ST13: variants seen among roughly 807,000 people sequenced by gnomAD.
ST13 encodes hsc70-interacting protein.
In ST13, 23 loss-of-function variants were observed where a neutral mutation model predicts 56.7. That is an observed-to-expected ratio of 0.41 (90% CI 0.29 to 0.57). The LOEUF (loss-of-function observed/expected upper bound fraction) is 0.57. ST13 is among the 20% of genes least tolerant of loss of function. The pLI, the probability that ST13 is intolerant of heterozygous loss-of-function variation, is 0.36. For synonymous variants in ST13, 132 were observed against 142.4 expected (o/e 0.93, Z 0.52); for missense variants, 369 against 459.9 (o/e 0.80, Z 1.81).
At chr22:40,855,500 T>C (rs189265593) in intron 1 of ST13, among the ~76,000 whole-genome samples, 30 of 152,338 alleles carry the variant, frequency 2.0e-4, no homozygotes, top group Non-Finnish European at 3.7e-4. Context: ...GGAGTCGCAA[T>C]GGTCTGCATA....
intron 9 of ST13, 39 bp from the exon 10 acceptor site, chr22:40,829,713 G>GTTTA: frequency 1.6e-6 from 2 of 1,228,446 alleles, no homozygotes; most frequent in Non-Finnish European, 2.2e-6. Context: ...AATAGAAGAA[G>GTTTA]AAATAAGTGC....
intron 1 of ST13, among the ~76,000 whole-genome samples, chr22:40,854,895 G>T (rs1373596012): frequency 6.6e-6 from 1 of 152,116 alleles, no homozygotes; most frequent in East Asian, 1.9e-4. Flanking sequence ...ACATTTCCCG[G>T]TTGAGGAGTT....
chr22:40,850,769 TAAG>T, intron 2 of ST13, 51 bp downstream of exon 2: 1 of 1,393,514 alleles, frequency 7.2e-7, no homozygotes, highest in Non-Finnish European at 1.0e-6. Context: ...AAACAACCCC[TAAG>T]AAATCTTATA....
intron 1 of ST13, among the ~76,000 whole-genome samples, chr22:40,855,551 T>C (rs1009272245): frequency 1.3e-5 from 2 of 152,228 alleles, no homozygotes; most frequent in Non-Finnish European, 2.9e-5. Flanking sequence ...GTATGTCATC[T>C]TTTCAGTTCC....
rs745996057 is a variant in ST13 at position 40,830,934 on chromosome 22, C to T, written c.704G>A (p.Arg235Gln). ...QPRAQKIAEHRRKYERKREER... is the reference protein window; with the variant it reads ...QPRAQKIAEHQRKYERKREER... Reference sequence around the variant, plus strand: ...TTCACGTTTTCGCTCATACTTTCTCCGATGTTCTGCAATTTTCTGTGCCTA... The same window carrying T: ...TTCACGTTTTCGCTCATACTTTCTCTGATGTTCTGCAATTTTCTGTGCCTA... The change falls in exon 9 of 12, where the codon CGG (arginine) becomes CAG (glutamine). Residue 235 changes from arginine to glutamine, a missense_variant. Physicochemically the swap from Arg to Gln is conservative, Grantham distance 43. Transcript: ENST00000216218. The T allele has an allele frequency of 1.0e-5, 16 of 1,600,556 alleles. No individual in the cohort carries two copies. Among genetic ancestry groups the T allele is most frequent in the Non-Finnish European group, 1.2e-5 (14 of 1,179,076 alleles).
intron 9 of ST13, among the ~76,000 whole-genome samples, chr22:40,830,358 C>T (rs1166991037): frequency 6.6e-6 from 1 of 152,090 alleles, no homozygotes; most frequent in Non-Finnish European, 1.5e-5. Flanking sequence ...TAGCATCACA[C>T]TATGTTGCCC....
chr22:40,844,064 G>C (rs1325251425), intron 4 of ST13, among the ~76,000 whole-genome samples: 1 of 151,810 alleles, frequency 6.6e-6, no homozygotes, highest in African/African-American at 2.4e-5. Context: ...TGTATTATTA[G>C]TAGAGACGGG....
chr22:40,849,722 T>A lies in ST13; in HGVS notation c.168+1101A>T, dbSNP rs900631500. Among the ~76,000 whole-genome samples, 9 of 152,128 alleles carry A rather than the reference T, an allele frequency of 5.9e-5. No individual in the cohort carries two copies. In the South Asian group the frequency reaches 8.3e-4, roughly 14 times the overall value. ...AGCAAAATATCTAGGGCTCAGAAAA[T>A]ACCACTCTGATAAATGGTCCTTTTA... On this transcript the variant is annotated intron_variant, in intron 2 of 11. Coordinates refer to ENST00000216218, the MANE Select transcript of ST13 (RefSeq NM_003932.5).
chr22:40,832,303 C>G, intron 8 of ST13: 1 of 498,054 alleles, frequency 2.0e-6, no homozygotes. Context: ...AAACCTGATA[C>G]CCCCTTTTCT....
intron 2 of ST13, among the ~76,000 whole-genome samples, chr22:40,850,569 A>G (rs151269648): frequency 5.3e-4 from 80 of 152,364 alleles, no homozygotes; most frequent in African/African-American, 1.9e-3. Flanking sequence ...TACCACTTAC[A>G]GGCCATACAT....
intron 7 of ST13, 121 bp downstream of exon 7, chr22:40,835,439 G>C: frequency 1.3e-6 from 1 of 790,004 alleles, no homozygotes; most frequent in East Asian, 2.5e-5. Flanking sequence ...TTGATACTAA[G>C]TACACACTAA....
At chr22:40,856,226 A>C (rs1356151017) in intron 1 of ST13, among the ~76,000 whole-genome samples, 1 of 152,114 alleles carries the variant, frequency 6.6e-6, no homozygotes, top group African/African-American at 2.4e-5. Flanking sequence ...GGGTGCGAGG[A>C]ACCCAGCTCT....
intron 1 of ST13, 42 bp from the exon 2 acceptor site, chr22:40,850,922 A>T: frequency 6.8e-7 from 1 of 1,467,308 alleles, no homozygotes; most frequent in Non-Finnish European, 9.4e-7. Flanking sequence ...TAGAAAATTA[A>T]AATTCACTGT....
At chr22:40,854,171 T>C (rs899416756) in intron 1 of ST13, among the ~76,000 whole-genome samples, 5 of 152,190 alleles carry the variant, frequency 3.3e-5, no homozygotes, top group African/African-American at 9.7e-5. Context: ...GCATCAGGCC[T>C]AGGAAGACGT....
At chr22:40,838,857 T>C (rs2057789314) in intron 5 of ST13, among the ~76,000 whole-genome samples, 1 of 150,454 alleles carries the variant, frequency 6.6e-6, no homozygotes, top group Non-Finnish European at 1.5e-5. Context: ...TAGGTATGAA[T>C]TAAAAGTTGA....
At chr22:40,856,378 C>G in intron 1 of ST13, 53 bp downstream of exon 1, 1 of 1,509,682 alleles carries the variant, frequency 6.6e-7, no homozygotes, top group East Asian at 2.3e-5. Flanking sequence ...GCCTGGCTCC[C>G]CCCTGGGGCC....
intron 5 of ST13, among the ~76,000 whole-genome samples, chr22:40,838,181 G>A (rs910521629): frequency 2.6e-5 from 4 of 152,102 alleles, no homozygotes; most frequent in Non-Finnish European, 4.4e-5. Flanking sequence ...TGCCAGACGT[G>A]GGATTCAAAC....
chr22:40,853,647 G>C (rs1007574069), intron 1 of ST13, among the ~76,000 whole-genome samples: 1 of 152,104 alleles, frequency 6.6e-6, no homozygotes, highest in African/African-American at 2.4e-5. Flanking sequence ...AATCTGCTTT[G>C]TGCTATGGTT....
At chr22:40,833,670 G>T (rs1364404362) in intron 7 of ST13, among the ~76,000 whole-genome samples, 1 of 152,030 alleles carries the variant, frequency 6.6e-6, no homozygotes, top group Admixed American at 6.5e-5. Context: ...GAGGTCAGGA[G>T]TTCAAGACCA....
Sources: gnomAD v4.1 joint callset for allele counts (sites outside exome capture counted in the v4.1 genomes callset) on GRCh38, gnomAD v4.1.1 for gene constraint, MANE v1.5 for transcripts, NCBI Gene and HGNC (gene_info 2026-07-23, HGNC 2026-07-21) for gene names.